The following DRAXIN variants were observed in gnomAD, a reference collection of about 807,000 sequenced individuals.
The protein encoded by DRAXIN is dorsal inhibitory axon guidance protein.
In DRAXIN, 27 loss-of-function variants were observed where a neutral mutation model predicts 33.9. The observed-to-expected ratio is 0.80, with a 90% CI of 0.59 to 1.10. DRAXIN has a LOEUF of 1.10. Among genes scored for constraint, DRAXIN ranks in the 50% least tolerant of loss-of-function variants. The probability of loss-of-function intolerance (pLI) is 0.00; values close to 1 mark genes in which losing one functional copy is unlikely to be tolerated. For synonymous variants in DRAXIN, 178 were observed against 194.0 expected (o/e 0.92, Z 0.69); for missense variants, 371 against 460.8 (o/e 0.81, Z 1.78).
intron 6 of DRAXIN, among the ~76,000 whole-genome samples, chr1:11,715,700 C>A (rs775725151): frequency 3.3e-5 from 5 of 152,174 alleles, no homozygotes; most frequent in Admixed American, 2.0e-4. Context: ...TCCGTGCCCC[C>A]ACCTCGCCTA....
chr1:11,704,554 A>C lies in DRAXIN; in HGVS notation c.-10-1695A>C, dbSNP rs1641350089. The stretch of plus-strand genomic sequence containing the variant: ...AGAGCACTTGTTAGGGAAGGGCTGG[A>C]GGCAAGGCCAGTGGGACAGAGCCTT... On this transcript the variant is annotated intron_variant, in intron 1 of 6. Transcript: ENST00000294485. This position sits in a 1 kb window ranked among gnomAD's most constrained non-coding sequence, Gnocchi z 4.6. 6.6e-6 allele frequency among the ~76,000 whole-genome samples: 1 copy of C among 152,204 alleles called. No homozygotes were observed. The highest frequency in any genetic ancestry group is 2.4e-5 in the African/African-American group (1 of 41,446).
In DRAXIN at chr1:11,696,443, G is replaced by A. The variant is rs542288756; in HGVS notation, c.-11+4590G>A. Among the ~76,000 whole-genome samples the A allele has an allele frequency of 2.6e-5, 4 of 152,028 alleles. No individual in the cohort carries two copies. Among genetic ancestry groups the A allele is most frequent in the Non-Finnish European group, 5.9e-5 (4 of 68,002 alleles). On this transcript the variant is annotated intron_variant, in intron 1 of 6. Coordinates refer to ENST00000294485, the MANE Select transcript of DRAXIN (RefSeq NM_198545.4). This position sits in a 1 kb window ranked among gnomAD's most constrained non-coding sequence, Gnocchi z 4.7. ...TCTACTAAAAATACAAAAATTAGCCGGGCATGGTGGTGGGAGCCTGTAATC... is the reference window on the plus strand; with the variant it reads ...TCTACTAAAAATACAAAAATTAGCCAGGCATGGTGGTGGGAGCCTGTAATC...
intron 1 of DRAXIN, among the ~76,000 whole-genome samples, chr1:11,699,696 G>T (rs1224057410): frequency 6.6e-6 from 1 of 152,100 alleles, no homozygotes; most frequent in African/African-American, 2.4e-5. Context: ...GGAGGTCAAG[G>T]TGGGTGGATC....
In DRAXIN at chr1:11,706,721, G is replaced by T; in HGVS notation, c.451+12G>T. On this transcript the variant is annotated intron_variant, in intron 2 of 6. Coordinates refer to ENST00000294485, the MANE Select transcript of DRAXIN (RefSeq NM_198545.4). The surrounding 1 kb of genome is among the most constrained non-coding windows in gnomAD (Gnocchi z 5.5). ...GAGGCTGCACCAAGGTAGCTGGAGGGCTGCGAGGGGTGGGGATGGGGGTGA... is the reference window on the plus strand; with the variant it reads ...GAGGCTGCACCAAGGTAGCTGGAGGTCTGCGAGGGGTGGGGATGGGGGTGA... The T allele has an allele frequency of 6.5e-7, 1 of 1,544,752 alleles. No homozygotes were observed. Among genetic ancestry groups the T allele is most frequent in the South Asian group, 1.2e-5 (1 of 84,782 alleles).
At chr1:11,702,391 ACAT>A (rs531780337) in intron 1 of DRAXIN, among the ~76,000 whole-genome samples, 5 of 146,618 alleles carry the variant, frequency 3.4e-5, no homozygotes, top group South Asian at 4.3e-4. Context: ...TCACGCTTAC[ACAT>A]CATCACACAC....
At chr1:11,714,042 A>T (rs1641537240) in intron 5 of DRAXIN, among the ~76,000 whole-genome samples, 1 of 152,006 alleles carries the variant, frequency 6.6e-6, no homozygotes, top group South Asian at 2.1e-4. Flanking sequence ...AAAAATAAGA[A>T]AATAAAAAAT....
rs1012882960 is a variant in DRAXIN at position 11,725,530 on chromosome 1, G to A, written c.*5834G>A. The A allele has an allele frequency of 1.3e-5, 2 of 152,162 alleles. No individual in the cohort carries two copies. The highest frequency in any genetic ancestry group is 2.4e-5 in the African/African-American group (1 of 41,424). The allele number at this position is 152,162 out of a possible 1,614,324, so 9.4% of individuals were successfully genotyped here. A position where few individuals can be genotyped will look rare whatever the true frequency, so the allele number is the denominator to read the frequency against. ...GTGGTCAGGGACATTCGGATAATTC[G>A]GGCTATTTGTATTCAGGTGTGAGCT... On this transcript the variant is annotated 3_prime_UTR_variant, in exon 7 of 7. Coordinates refer to ENST00000294485, the MANE Select transcript of DRAXIN (RefSeq NM_198545.4).
At position 11,704,605 on chromosome 1, in the gene DRAXIN, A is replaced by G. The variant is rs151303158; in HGVS notation, c.-10-1644A>G. The stretch of plus-strand genomic sequence containing the variant: ...CCGTTGCTGGTGACGTGACCAGGAC[A>G]GTAGCAGGGACTGTGGTGCAGGGTC... On this transcript the variant is annotated intron_variant, in intron 1 of 6. Transcript: ENST00000294485. The surrounding 1 kb of genome is among the most constrained non-coding windows in gnomAD (Gnocchi z 4.6). Among the ~76,000 whole-genome samples, 146 of 152,334 alleles carry G rather than the reference A, an allele frequency of 9.6e-4. No homozygotes were observed. The highest frequency in any genetic ancestry group is 4.3e-3 in the South Asian group (21 of 4,832).
At chr1:11,716,081 C>G (rs1641574002) in intron 6 of DRAXIN, among the ~76,000 whole-genome samples, 2 of 152,216 alleles carry the variant, frequency 1.3e-5, no homozygotes, top group Non-Finnish European at 1.5e-5. Context: ...GTTCCCTAGG[C>G]TGGTTTCAAA....
In DRAXIN at chr1:11,706,103, A is replaced by G; in HGVS notation, c.-10-146A>G. 1.2e-6 allele frequency: 1 copy of G among 811,464 alleles called. No homozygotes were observed. The highest frequency in any genetic ancestry group is 1.8e-6 in the Non-Finnish European group (1 of 541,238). The allele number at this position is 811,464 out of a possible 1,614,324, so 50.3% of individuals were successfully genotyped here. The stretch of plus-strand genomic sequence containing the variant: ...TAGCACTCCCCAGTTTTGACAACTA[A>G]AATATGTCTTCGGGCATTGCCAAAT... On this transcript the variant is annotated intron_variant, in intron 1 of 6. Transcript: ENST00000294485. The surrounding 1 kb of genome is among the most constrained non-coding windows in gnomAD (Gnocchi z 5.5).
Position 11,696,594 on chromosome 1 carries a change from C to A in DRAXIN, c.-11+4741C>A, listed in dbSNP as rs546043934. Among the ~76,000 whole-genome samples, 242 of 148,048 alleles carry A rather than the reference C, an allele frequency of 1.6e-3. 1 individual carries two copies. Among genetic ancestry groups the A allele is most frequent in the Admixed American group, 2.7e-3 (40 of 14,902 alleles). ...AGAGCAAAAATCTGTCTCAAAAAAACCAAAACAAAAAACACTTTGGGAGGC... is the reference window on the plus strand; with the variant it reads ...AGAGCAAAAATCTGTCTCAAAAAAAACAAAACAAAAAACACTTTGGGAGGC... On this transcript the variant is annotated intron_variant, in intron 1 of 6. Transcript: ENST00000294485. The surrounding 1 kb of genome is among the most constrained non-coding windows in gnomAD (Gnocchi z 4.7).
intron 1 of DRAXIN, among the ~76,000 whole-genome samples, chr1:11,701,470 G>A (rs1232091756): frequency 6.6e-6 from 1 of 152,224 alleles, no homozygotes; most frequent in Admixed American, 6.5e-5. Context: ...ACGCGGAAAG[G>A]CCTGGGCTTC....
chr1:11,692,766 T>C lies in DRAXIN; in HGVS notation c.-11+913T>C, dbSNP rs930604153. Reference sequence around the variant, plus strand: ...ACACTGGTGTCTGGAACCGGTTCAGTACTATGCATCTGGAGTCGGGTACAC... The same window carrying C: ...ACACTGGTGTCTGGAACCGGTTCAGCACTATGCATCTGGAGTCGGGTACAC... On this transcript the variant is annotated intron_variant, in intron 1 of 6. Coordinates refer to ENST00000294485, the MANE Select transcript of DRAXIN (RefSeq NM_198545.4). This position sits in a 1 kb window ranked among gnomAD's most constrained non-coding sequence, Gnocchi z 5.8. 3.3e-5 allele frequency among the ~76,000 whole-genome samples: 5 copies of C among 152,116 alleles called. No individual in the cohort carries two copies. Among genetic ancestry groups the C allele is most frequent in the African/African-American group, 1.2e-4 (5 of 41,422 alleles).
chr1:11,712,545 TAAA>T, intron 5 of DRAXIN, 116 bp downstream of exon 5: 2 of 994,700 alleles, frequency 2.0e-6, no homozygotes, highest in Non-Finnish European at 3.1e-6. Context: ...TCATGGATGA[TAAA>T]TAATAACAAC....
At chr1:11,707,767 C>T (rs1641413763) in intron 2 of DRAXIN, among the ~76,000 whole-genome samples, 1 of 152,204 alleles carries the variant, frequency 6.6e-6, no homozygotes, top group African/African-American at 2.4e-5. Context: ...TAGCTAGCCC[C>T]CTGCTGGCCC....
intron 2 of DRAXIN, among the ~76,000 whole-genome samples, chr1:11,707,639 A>G (rs547677422): frequency 6.6e-6 from 1 of 152,332 alleles, no homozygotes; most frequent in African/African-American, 2.4e-5. Flanking sequence ...CAGCCTGGAC[A>G]CAGGTGACTC....
At chr1:11,700,947 C>T (rs923131707) in intron 1 of DRAXIN, among the ~76,000 whole-genome samples, 1 of 152,192 alleles carries the variant, frequency 6.6e-6, no homozygotes, top group Non-Finnish European at 1.5e-5. Flanking sequence ...GGCAGGATCC[C>T]CCGAGTCTCC....
At chr1:11,689,757 C>T (rs1641028027), upstream of DRAXIN, among the ~76,000 whole-genome samples, 1 of 152,126 alleles carries the variant, frequency 6.6e-6, no homozygotes, top group Non-Finnish European at 1.5e-5. Flanking sequence ...TCTTAATAAA[C>T]TTTTTACTCT....
At chr1:11,690,710 G>C (rs1042434153), upstream of DRAXIN, among the ~76,000 whole-genome samples, 1 of 152,170 alleles carries the variant, frequency 6.6e-6, no homozygotes, top group Non-Finnish European at 1.5e-5. This position sits in a 1 kb window ranked among gnomAD's most constrained non-coding sequence, Gnocchi z 4.2. Flanking sequence ...ATCGCTCTTT[G>C]ATCTTTGCAG....
Sources: gnomAD v4.1 joint callset for allele counts (sites outside exome capture counted in the v4.1 genomes callset) on GRCh38, gnomAD v4.1.1 for gene constraint, Gnocchi (gnomAD v3.1) non-coding constraint, MANE v1.5 for transcripts, NCBI Gene and HGNC (gene_info 2026-07-23, HGNC 2026-07-21) for gene names.